Variants in DMD observed in about 807,000 individuals in gnomAD.
DMD encodes the protein mutant dystrophin.
DMD carries 63 observed loss-of-function variants against 330.1 expected under a neutral mutation model. That is an observed-to-expected ratio of 0.19 (90% CI 0.16 to 0.24). DMD has a LOEUF of 0.24. Ranked by LOEUF, DMD falls within the 10% of genes least tolerant of loss-of-function variation. DMD has a pLI of 1.00. For synonymous variants in DMD, 1,223 were observed against 959.8 expected (o/e 1.27, Z -5.07); for missense variants, 3,344 against 2,684.1 (o/e 1.25, Z -5.43).
At chrX:33,226,906 A>G (rs2052301676) in intron 1 of DMD, among the ~76,000 whole-genome samples, 1 of 109,935 alleles carries the variant, frequency 9.1e-6, no homozygotes, top group African/African-American at 3.3e-5. Flanking sequence ...ATAAAACTAC[A>G]TTGTGAAGCC....
intron 44 of DMD, among the ~76,000 whole-genome samples, chrX:32,004,234 A>AC (rs1160434783): frequency 9.0e-6 from 1 of 111,296 alleles, no homozygotes; most frequent in Non-Finnish European, 1.9e-5. Flanking sequence ...ACATCTAAAA[A>AC]CACTTCCTAG....
intron 7 of DMD, among the ~76,000 whole-genome samples, chrX:32,780,501 T>A (rs1423027277): frequency 8.9e-6 from 1 of 112,132 alleles, no homozygotes; most frequent in African/African-American, 3.2e-5. Context: ...TAATATTTTT[T>A]GAAATTACCT....
At chrX:32,563,147 T>C (rs966435473) in intron 16 of DMD, among the ~76,000 whole-genome samples, 1 of 109,762 alleles carries the variant, frequency 9.1e-6, no homozygotes, top group African/African-American at 3.3e-5. Context: ...GAGACCACCC[T>C]GGCCAACATG....
At chrX:31,315,141 C>A (rs2055900709) in intron 62 of DMD, among the ~76,000 whole-genome samples, 1 of 111,705 alleles carries the variant, frequency 9.0e-6, no homozygotes, top group Non-Finnish European at 1.9e-5. Flanking sequence ...TTCACACATA[C>A]CCCAAATTAC....
intron 15 of DMD, among the ~76,000 whole-genome samples, chrX:32,572,766 T>C (rs770098498): frequency 9.0e-6 from 1 of 110,985 alleles, no homozygotes; most frequent in Non-Finnish European, 1.9e-5. Context: ...TGTTGAAATG[T>C]GATTCCCAGC....
intron 16 of DMD, among the ~76,000 whole-genome samples, chrX:32,564,901 T>C (rs193070402): frequency 8.0e-5 from 9 of 111,830 alleles, no homozygotes; most frequent in Non-Finnish European, 1.7e-4. Context: ...GCCTGTGCAT[T>C]GAGCTATGAA....
chrX:32,899,505 C>A (rs1410999414), intron 2 of DMD, among the ~76,000 whole-genome samples: 1 of 108,724 alleles, frequency 9.2e-6, no homozygotes, highest in East Asian at 2.9e-4. Flanking sequence ...GAAACCCCGT[C>A]GCTACTAAAA....
chrX:32,420,167 G>A (rs1023044401), intron 29 of DMD, among the ~76,000 whole-genome samples: 8 of 111,842 alleles, frequency 7.2e-5, no homozygotes, highest in African/African-American at 2.6e-4. Flanking sequence ...GGTACTCTTT[G>A]ACTGCACATG....
At chrX:31,146,532 C>A (rs2036718882) in intron 75 of DMD, 118 bp from the exon 76 acceptor site, 1 of 725,027 alleles carries the variant, frequency 1.4e-6, no homozygotes, top group Non-Finnish European at 2.1e-6. Context: ...CTTTAGAAGC[C>A]CTCCCAAAGA....
At chrX:32,500,863 C>CA (rs2043984615) in intron 19 of DMD, among the ~76,000 whole-genome samples, 1 of 111,481 alleles carries the variant, frequency 9.0e-6, no homozygotes, top group Non-Finnish European at 1.9e-5. Flanking sequence ...GCAATTAAGG[C>CA]AAAAAATAAC....
intron 1 of DMD, among the ~76,000 whole-genome samples, chrX:33,183,179 G>A (rs764979554): frequency 9.2e-4 from 103 of 111,869 alleles, no homozygotes; most frequent in African/African-American, 3.2e-3. Flanking sequence ...TCAAACAGGA[G>A]ATTTGTTATT....
intron 60 of DMD, among the ~76,000 whole-genome samples, chrX:31,360,016 A>G (rs1043906408): frequency 9.0e-6 from 1 of 111,577 alleles, no homozygotes. Context: ...TTGATGGGCA[A>G]AAACAGAAGA....
chrX:32,444,424 CAAAT>C (rs1006485596), intron 27 of DMD, among the ~76,000 whole-genome samples: 2 of 110,278 alleles, frequency 1.8e-5, no homozygotes, highest in Non-Finnish European at 3.8e-5. Context: ...CGCAAATAAA[CAAAT>C]AAACAAACAA....
At chrX:31,681,605 A>G (rs1399272125) in intron 52 of DMD, among the ~76,000 whole-genome samples, 1 of 112,564 alleles carries the variant, frequency 8.9e-6, no homozygotes, top group Admixed American at 9.3e-5. Flanking sequence ...AGGGCATGGG[A>G]GCCCAATGAT....
At chrX:31,444,879 C>T (rs959108716) in intron 59 of DMD, among the ~76,000 whole-genome samples, 11 of 110,966 alleles carry the variant, frequency 9.9e-5, no homozygotes, top group African/African-American at 3.6e-4. Flanking sequence ...GATTAGCGCC[C>T]TTATAAAAGA....
intron 12 of DMD, among the ~76,000 whole-genome samples, chrX:32,602,708 T>C (rs778364011): frequency 9.0e-6 from 1 of 111,565 alleles, no homozygotes; most frequent in Admixed American, 9.5e-5. Flanking sequence ...TACTGCTTAC[T>C]CTATGTTTGA....
At position 31,167,285 on chromosome X, in the gene DMD, C is replaced by T. The variant is rs113454168; in HGVS notation, c.10553+2158G>A. Among the ~76,000 whole-genome samples, 955 of 111,307 alleles carry T rather than the reference C, an allele frequency of 8.6e-3. 8 individuals are homozygous for T. Among genetic ancestry groups the T allele is most frequent in the African/African-American group, 0.03 (910 of 30,613 alleles). On this transcript the variant is annotated intron_variant, in intron 74 of 78. Coordinates refer to ENST00000357033, the MANE Select transcript of DMD (RefSeq NM_004006.3). ...AACCTGTGTCTCATTCACAGAAAGG[C>T]GACAGTCTCTTCTCCATAGCGTTTG...
chrX:31,892,980 T>C (rs908499580), intron 47 of DMD, among the ~76,000 whole-genome samples: 1 of 112,198 alleles, frequency 8.9e-6, no homozygotes, highest in African/African-American at 3.2e-5. Flanking sequence ...AAGATTAAAA[T>C]AACATATGTG....
intron 21 of DMD, among the ~76,000 whole-genome samples, chrX:32,473,864 G>A (rs1790488565): frequency 9.1e-6 from 1 of 110,031 alleles, no homozygotes; most frequent in Non-Finnish European, 1.9e-5. Flanking sequence ...GTTATTGGGG[G>A]TAAAGGTGGT....
Sources: gnomAD v4.1 joint callset for allele counts (sites outside exome capture counted in the v4.1 genomes callset) on GRCh38, gnomAD v4.1.1 for gene constraint, MANE v1.5 for transcripts, NCBI Gene and HGNC (gene_info 2026-07-23, HGNC 2026-07-21) for gene names.